The following TACC2 variants were observed in gnomAD, a reference collection of about 807,000 sequenced individuals.
TACC2 encodes the protein transforming acidic coiled-coil-containing protein 2.
In TACC2, 137 loss-of-function variants were observed where a neutral mutation model predicts 227.3. The observed-to-expected ratio is 0.60, with a 90% confidence interval of 0.52 to 0.69. The LOEUF (loss-of-function observed/expected upper bound fraction) is 0.69, where lower values mean the gene tolerates loss of function less well. Among genes scored for constraint, TACC2 ranks in the 30% least tolerant of loss-of-function variants. The pLI is 0.00. For missense variants in TACC2, 3,470 were observed against 3,694.4 expected (o/e 0.94, Z 1.57); for synonymous variants, 1,523 against 1,487.5 (o/e 1.02, Z -0.55).
intron 21 of TACC2, 97 bp from the exon 22 acceptor site, chr10:122,249,447 C>A: frequency 2.0e-6 from 3 of 1,524,536 alleles, no homozygotes; most frequent in Non-Finnish European, 1.8e-6. Flanking sequence ...GCAGCTGGGG[C>A]CAGACCAGGC....
intron 22 of TACC2, among the ~76,000 whole-genome samples, chr10:122,250,492 G>A (rs1168903880): frequency 2.0e-5 from 3 of 152,144 alleles, no homozygotes; most frequent in African/African-American, 7.2e-5. Context: ...TGTGCCTCCC[G>A]AGTGGCCTCT....
At chr10:122,047,998 C>T (rs2075225940) in intron 2 of TACC2, among the ~76,000 whole-genome samples, 2 of 152,186 alleles carry the variant, frequency 1.3e-5, no homozygotes, top group Non-Finnish European at 1.5e-5. Flanking sequence ...CAGGGAAATG[C>T]ACCAGGTAGG....
chr10:122,011,151 G>A (rs774995856), intron 1 of TACC2, among the ~76,000 whole-genome samples: 1 of 152,154 alleles, frequency 6.6e-6, no homozygotes, highest in Non-Finnish European at 1.5e-5. Context: ...ACCCAGTTGG[G>A]TGAGGGAGCA....
chr10:122,014,125 T>C (rs1270110154), intron 1 of TACC2, among the ~76,000 whole-genome samples: 1 of 152,208 alleles, frequency 6.6e-6, no homozygotes, highest in Non-Finnish European at 1.5e-5. Context: ...AATAGATCAT[T>C]ACTAGGCTGT....
chr10:122,141,405 C>T lies in TACC2; in HGVS notation c.5700-2167C>T, dbSNP rs1243433651. ...TTTGATGCCTTTGGCTAACGGGACC[C>T]AGCCAGCGCAGGAAGGGTGTGGCCA... On this transcript the variant is annotated intron_variant, in intron 6 of 22. Transcript: ENST00000369005. The surrounding 1 kb of genome is among the most constrained non-coding windows in gnomAD (Gnocchi z 4.3). Among the ~76,000 whole-genome samples, 1 of 152,068 alleles carries T rather than the reference C, an allele frequency of 6.6e-6. No homozygotes were observed. Among genetic ancestry groups the T allele is most frequent in the East Asian group, 1.9e-4 (1 of 5,164 alleles).
chr10:122,064,917 T>G (rs1246093892), intron 3 of TACC2, among the ~76,000 whole-genome samples: 1 of 152,160 alleles, frequency 6.6e-6, no homozygotes, highest in Non-Finnish European at 1.5e-5. Context: ...CATACCAGAT[T>G]GTTCTCTCTT....
At chr10:122,240,485 C>T (rs2095964743) in intron 18 of TACC2, among the ~76,000 whole-genome samples, 1 of 152,152 alleles carries the variant, frequency 6.6e-6, no homozygotes, top group Non-Finnish European at 1.5e-5. Context: ...ATGCATTCTA[C>T]CTTCATTATC....
chr10:122,118,306 C>A (rs557035604), intron 5 of TACC2, among the ~76,000 whole-genome samples: 54 of 152,230 alleles, frequency 3.5e-4, no homozygotes, highest in African/African-American at 1.3e-3. Flanking sequence ...TGAGCCACCG[C>A]GCCCAGCCTG....
intron 1 of TACC2, among the ~76,000 whole-genome samples, chr10:122,012,033 G>C (rs1955989249): frequency 6.6e-6 from 1 of 151,928 alleles, no homozygotes. Context: ...CACCTCCCAG[G>C]TTCAAATGAT....
intron 5 of TACC2, among the ~76,000 whole-genome samples, chr10:122,094,793 C>T (rs1209654059): frequency 6.6e-6 from 1 of 152,176 alleles, no homozygotes; most frequent in African/African-American, 2.4e-5. Flanking sequence ...CCGCTCACTG[C>T]CACTTCAAAG....
intron 8 of TACC2, among the ~76,000 whole-genome samples, chr10:122,203,457 T>G (rs1300426443): frequency 7.2e-6 from 1 of 138,864 alleles, no homozygotes; most frequent in Non-Finnish European, 1.5e-5. Context: ...GGCTGCCGGG[T>G]GGAGACGCTC....
chr10:122,216,571 A>T, intron 10 of TACC2, 56 bp from the exon 11 acceptor site: 1 of 1,571,830 alleles, frequency 6.4e-7, no homozygotes. Context: ...GAGGGTGGGC[A>T]CAGTTTCTGA....
rs2095608751 is a variant in TACC2, at chr10:122,225,452, C to G, written c.7608+665C>G. ...CTGAAGGTTGGGTGGGAGAATGTCCCCATGCACAGGCTTAACTCATGCGCC... is the reference window on the plus strand; with the variant it reads ...CTGAAGGTTGGGTGGGAGAATGTCCGCATGCACAGGCTTAACTCATGCGCC... On this transcript the variant is annotated intron_variant, in intron 12 of 22. Coordinates refer to ENST00000369005, the MANE Select transcript of TACC2 (RefSeq NM_206862.4). Among the ~76,000 whole-genome samples, 3 of 152,342 alleles carry G rather than the reference C, an allele frequency of 2.0e-5. No individual in the cohort carries two copies. In the South Asian group the frequency reaches 6.2e-4, roughly 32 times the overall value.
chr10:122,183,471 C>T (rs2094050486), intron 7 of TACC2, among the ~76,000 whole-genome samples: 2 of 152,212 alleles, frequency 1.3e-5, no homozygotes, highest in African/African-American at 4.8e-5. Context: ...ACAGCCTTCC[C>T]ATGTCACTCC....
intron 9 of TACC2, among the ~76,000 whole-genome samples, chr10:122,212,679 C>A (rs2095320450): frequency 6.6e-6 from 1 of 152,314 alleles, no homozygotes; most frequent in African/African-American, 2.4e-5. Flanking sequence ...GTTTACCTCC[C>A]ATTCTGGGCT....
At chr10:122,155,157 A>G (rs542931965) in intron 7 of TACC2, among the ~76,000 whole-genome samples, 1 of 152,306 alleles carries the variant, frequency 6.6e-6, no homozygotes, top group East Asian at 1.9e-4. Flanking sequence ...TCTCGGAAGC[A>G]TCTCCACCAC....
intron 1 of TACC2, among the ~76,000 whole-genome samples, chr10:122,019,536 T>G (rs1957083515): frequency 6.6e-6 from 1 of 152,234 alleles, no homozygotes; most frequent in Non-Finnish European, 1.5e-5. Context: ...GCCAATCAGA[T>G]GGCAGGGGCC....
chr10:122,075,810 T>G (rs1395667944), intron 3 of TACC2, among the ~76,000 whole-genome samples: 1 of 152,196 alleles, frequency 6.6e-6, no homozygotes, highest in Non-Finnish European at 1.5e-5. Context: ...TTCTTTTTTT[T>G]ATTGTTGAGA....
At chr10:122,154,126 T>C (rs771577037) in intron 7 of TACC2, among the ~76,000 whole-genome samples, 6 of 152,232 alleles carry the variant, frequency 3.9e-5, no homozygotes, top group Non-Finnish European at 7.3e-5. Context: ...AGTTTGGATG[T>C]CTGCCTTTCT....
Sources: gnomAD v4.1 joint callset for allele counts (sites outside exome capture counted in the v4.1 genomes callset) on GRCh38, gnomAD v4.1.1 for gene constraint, Gnocchi (gnomAD v3.1) non-coding constraint, MANE v1.5 for transcripts, NCBI Gene and HGNC (gene_info 2026-07-23, HGNC 2026-07-21) for gene names.